Variants in PIP5K1C observed in about 807,000 individuals in gnomAD.
PIP5K1C encodes the protein phosphatidylinositol 4-phosphate 5-kinase type-1 gamma.
PIP5K1C carries 45 observed loss-of-function variants against 80.1 expected under a neutral mutation model. The observed-to-expected ratio is 0.56, with a 90% confidence interval of 0.44 to 0.72. PIP5K1C has a LOEUF of 0.72. Among genes scored for constraint, PIP5K1C ranks in the 30% least tolerant of loss-of-function variants. The pLI is 0.00. For missense variants in PIP5K1C, 753 were observed against 954.6 expected (o/e 0.79, Z 2.78); for synonymous variants, 498 against 420.1 (o/e 1.19, Z -2.27).
chr19:3,634,329 G>A (rs577240724), intron 16 of PIP5K1C, among the ~76,000 whole-genome samples: 23 of 150,360 alleles, frequency 1.5e-4, no homozygotes, highest in South Asian at 2.1e-4. Flanking sequence ...CCTGCCCCTA[G>A]GCTGCTCTGC....
chr19:3,646,148 G>A, intron 10 of PIP5K1C, 90 bp from the exon 11 acceptor site: 1 of 798,528 alleles, frequency 1.3e-6, no homozygotes, highest in Admixed American at 1.8e-5. Flanking sequence ...TATGTGTGTG[G>A]GGGGCACCTT....
chr19:3,665,838 C>T (rs934012370), intron 2 of PIP5K1C, among the ~76,000 whole-genome samples: 4 of 152,102 alleles, frequency 2.6e-5, no homozygotes, highest in African/African-American at 4.8e-5. Flanking sequence ...AGAACAGCCC[C>T]GCCTGGCACC....
At chr19:3,658,278 T>G (rs1439563414) in intron 5 of PIP5K1C, among the ~76,000 whole-genome samples, 2 of 152,210 alleles carry the variant, frequency 1.3e-5, no homozygotes, top group Admixed American at 1.3e-4. Flanking sequence ...GGGTCCTTCC[T>G]CCTGCATGCG....
chr19:3,696,273 G>T lies in PIP5K1C; in HGVS notation c.94+4024C>A, dbSNP rs938043775. Among the ~76,000 whole-genome samples the T allele has an allele frequency of 2.0e-5, 3 of 152,210 alleles. No individual in the cohort carries two copies. Among genetic ancestry groups the T allele is most frequent in the African/African-American group, 7.2e-5 (3 of 41,456 alleles). The stretch of plus-strand genomic sequence containing the variant: ...TCCTCCCTGGCACTGCTGGCCTCAT[G>T]CACCTGATGTTCACCAGGATCTGCA... On this transcript the variant is annotated intron_variant, in intron 1 of 17. Transcript: ENST00000335312. This position sits in a 1 kb window ranked among gnomAD's most constrained non-coding sequence, Gnocchi z 4.1.
rs1034106749 is a variant in PIP5K1C, at chr19:3,657,057, T to C, written c.469-500A>G. Among the ~76,000 whole-genome samples the C allele has an allele frequency of 3.3e-5, 5 of 152,258 alleles. No individual in the cohort carries two copies. In the East Asian group the frequency reaches 9.6e-4, roughly 29 times the overall value. On this transcript the variant is annotated intron_variant, in intron 5 of 17. Transcript: ENST00000335312. ...AGATGCTGATGTGATGGCTGGAACC[T>C]CAGCAGCCACACTGGACTAGAAGGT...
chr19:3,639,303 C>T (rs575158065), intron 15 of PIP5K1C, among the ~76,000 whole-genome samples: 10 of 152,336 alleles, frequency 6.6e-5, no homozygotes, highest in Non-Finnish European at 1.0e-4. Flanking sequence ...CCTGTGGGCA[C>T]GTGCTGGCCT....
At chr19:3,689,584 G>T (rs568147758) in intron 1 of PIP5K1C, among the ~76,000 whole-genome samples, 1 of 152,164 alleles carries the variant, frequency 6.6e-6, no homozygotes, top group African/African-American at 2.4e-5. Context: ...GGAAGACAGA[G>T]GTTTCGGTGA....
chr19:3,687,324 T>G (rs1317124244), intron 1 of PIP5K1C, among the ~76,000 whole-genome samples: 1 of 152,170 alleles, frequency 6.6e-6, no homozygotes, highest in Admixed American at 6.5e-5. Context: ...ACTGCGCCAC[T>G]GCACTCCAGC....
intron 1 of PIP5K1C, chr19:3,672,452 G>A (rs2035237856): frequency 6.6e-6 from 1 of 152,448 alleles, no homozygotes; most frequent in African/African-American, 2.4e-5. Context: ...CGTGTTTGTT[G>A]ACTGACCCAT....
chr19:3,653,668 C>G, intron 6 of PIP5K1C, 79 bp from the exon 7 acceptor site: 2 of 1,359,250 alleles, frequency 1.5e-6, no homozygotes, highest in Non-Finnish European at 1.0e-6. Context: ...GCCTCTGCCT[C>G]AGGGGGCTCA....
At position 3,656,411 on chromosome 19, in the gene PIP5K1C, G is replaced by T; in HGVS notation, c.615C>A (p.Tyr205Ter). Residue 205 changes from tyrosine (Y) to a stop codon, truncating the protein, a stop_gained, in exon 6 of 18, where the codon TAC becomes TAA. Transcript: ENST00000335312. LOFTEE classifies it high-confidence loss of function. ...AEFLQKLLPG[Y>*]YMNLNQNPRT... ...CGCAGGGCGGGCCACGCACCATGTA[G>T]TAGCCAGGGAGCAGCTTCTGCAGGA... is the stretch of plus-strand genomic sequence containing the variant. 1 of 1,613,400 alleles carries T rather than the reference G, an allele frequency of 6.2e-7. No individual in the cohort carries two copies. Among genetic ancestry groups the T allele is most frequent in the Non-Finnish European group, 8.5e-7 (1 of 1,180,024 alleles).
At chr19:3,667,864 GTGAGGGGGGGCAGGCCCCCGC>G (rs1222618861) in intron 1 of PIP5K1C, among the ~76,000 whole-genome samples, 1 of 152,196 alleles carries the variant, frequency 6.6e-6, no homozygotes, top group Non-Finnish European at 1.5e-5. Flanking sequence ...AGCGTGGGGA[GTGAGGGGGGGCAGGCCCCCGC>G]TGGGGCGAGG....
chr19:3,696,133 G>C lies in PIP5K1C; in HGVS notation c.94+4164C>G, dbSNP rs954322294. 2.0e-5 allele frequency among the ~76,000 whole-genome samples: 3 copies of C among 152,224 alleles called. No individual in the cohort carries two copies. The highest frequency in any genetic ancestry group is 7.2e-5 in the African/African-American group (3 of 41,462). On this transcript the variant is annotated intron_variant, in intron 1 of 17. Coordinates refer to ENST00000335312, the MANE Select transcript of PIP5K1C (RefSeq NM_012398.3). The surrounding 1 kb of genome is among the most constrained non-coding windows in gnomAD (Gnocchi z 4.1). ...TGTGACCACACTACACTGTGCTCCA[G>C]GCAGGCGGGGCCTCTGCTGGGGCCA...
intron 1 of PIP5K1C, among the ~76,000 whole-genome samples, chr19:3,687,544 T>C (rs1048063279): frequency 2.1e-5 from 3 of 146,146 alleles, no homozygotes; most frequent in Non-Finnish European, 4.6e-5. Context: ...CACACATACA[T>C]GCACACATGC....
rs1568322133 is a variant in PIP5K1C at position 3,648,541 on chromosome 19, TGTGGGGCTGCAGACCC to T, written c.1211+68_1211+83del. 26 of 1,063,016 alleles carry T rather than the reference TGTGGGGCTGCAGACCC, an allele frequency of 2.4e-5. No homozygotes were observed. The highest frequency in any genetic ancestry group is 5.3e-5 in the Admixed American group (3 of 56,268). The allele number at this position is 1,063,016 out of a possible 1,614,324, so 65.8% of individuals were successfully genotyped here. A position where few individuals can be genotyped will look rare whatever the true frequency, so the allele number is the denominator to read the frequency against. ...GGGGCTGCAGACCCGGGCGCCCACCTGTGGGGCTGCAGACCCGGGCGCCCACCTGTGGGACTGCAGA... is the reference window on the plus strand; with the variant it reads ...GGGGCTGCAGACCCGGGCGCCCACCTGGGCGCCCACCTGTGGGACTGCAGA... On this transcript the variant is annotated intron_variant, in intron 9 of 17. Coordinates refer to ENST00000335312, the MANE Select transcript of PIP5K1C (RefSeq NM_012398.3). This position sits in a 1 kb window ranked among gnomAD's most constrained non-coding sequence, Gnocchi z 4.3.
At chr19:3,694,822 G>A (rs2036052132) in intron 1 of PIP5K1C, among the ~76,000 whole-genome samples, 1 of 152,210 alleles carries the variant, frequency 6.6e-6, no homozygotes, top group Non-Finnish European at 1.5e-5. Context: ...CGCAGGCCTG[G>A]CCACTTGACC....
rs2034196539 is a variant in PIP5K1C at position 3,645,978 on chromosome 19, G to A, written c.1341C>T (p.Asn447=). The A allele has an allele frequency of 1.2e-6, 2 of 1,613,020 alleles. No homozygotes were observed. Among genetic ancestry groups the A allele is most frequent in the East Asian group, 4.5e-5 (2 of 44,864 alleles). Residue 447 remains asparagine, a synonymous_variant, in exon 11 of 18, where the codon AAC becomes AAT. Coordinates refer to ENST00000335312, the MANE Select transcript of PIP5K1C (RefSeq NM_012398.3). ...KFMSNTVFRK[N]SSLKSSPSKK... is the part of the protein sequence containing the mutation. ...TGCGGGGCTCAGGTGGCTTACAGGA[G>A]TTCTTCCGAAAGACCGTGTTGCTCA... is the stretch of plus-strand genomic sequence containing the variant.
chr19:3,647,287 CAGG>C (rs921839712), intron 10 of PIP5K1C, 48 bp downstream of exon 10: 6 of 1,486,670 alleles, frequency 4.0e-6, no homozygotes, highest in East Asian at 2.5e-5. Flanking sequence ...CAGGCACTCA[CAGG>C]AGGAGGAGGG....
Position 3,638,071 on chromosome 19 carries a change from G to T in PIP5K1C, c.1920+813C>A, listed in dbSNP as rs2033782042. The T allele has an allele frequency of 4.1e-6, 6 of 1,446,552 alleles. No homozygotes were observed. The African/African-American group carries it at 4.3e-5, about 10-fold the overall frequency. 89.6% of individuals were successfully genotyped at this position (1,446,552 alleles called of 1,614,324 possible). ...GAGGTGCCCCCACAACAGGCCCTAA[G>T]GCCTGGTGCCCGTGCCCAGCCCTCC... On this transcript the variant is annotated intron_variant, in intron 16 of 17. Transcript: ENST00000335312.
Sources: allele counts gnomAD v4.1 joint callset (sites outside exome capture counted in the v4.1 genomes callset), GRCh38; gene constraint gnomAD v4.1.1; non-coding constraint Gnocchi (gnomAD v3.1); transcripts MANE v1.5; gene names NCBI Gene and HGNC (gene_info 2026-07-23, HGNC 2026-07-21).